The following CNTN5 variants were observed in gnomAD, a reference collection of about 807,000 sequenced individuals.
CNTN5 encodes the protein contactin 5, also known as contactin-5.
In CNTN5, 77 loss-of-function variants were observed where a neutral mutation model predicts 129.1. The ratio of observed to expected loss-of-function variants is 0.60; its 90% CI spans 0.50 to 0.72. The LOEUF is 0.72. Among genes scored for constraint, CNTN5 ranks in the 30% least tolerant of loss-of-function variants. The pLI is 0.00. For missense variants in CNTN5, 1,478 were observed against 1,328.8 expected, an observed-to-expected ratio of 1.11 and a Z score of -1.75; for synonymous variants, 509 against 465.6, an observed-to-expected ratio of 1.09 and a Z score of -1.20.
intron 4 of CNTN5, among the ~76,000 whole-genome samples, chr11:99,833,562 G>C (rs920496896): frequency 6.6e-6 from 1 of 152,098 alleles, no homozygotes; most frequent in Non-Finnish European, 1.5e-5. Flanking sequence ...AAGTAGGCTA[G>C]GATAAACTCT....
chr11:100,007,088 A>G (rs182621103), intron 9 of CNTN5, among the ~76,000 whole-genome samples: 1 of 152,138 alleles, frequency 6.6e-6, no homozygotes, highest in Admixed American at 6.6e-5. Flanking sequence ...TTTTGAAAGG[A>G]GTCTTTTTTT....
chr11:99,532,609 G>A (rs1947755064), intron 2 of CNTN5, among the ~76,000 whole-genome samples: 1 of 152,160 alleles, frequency 6.6e-6, no homozygotes, highest in African/African-American at 2.4e-5. Flanking sequence ...GGAGATAATG[G>A]AATCATGGTG....
chr11:99,034,510 G>T (rs1308625579), intron 1 of CNTN5, among the ~76,000 whole-genome samples: 2 of 151,580 alleles, frequency 1.3e-5, no homozygotes, highest in Non-Finnish European at 2.9e-5. Context: ...GAGTGTATGT[G>T]TCGAGGAATT....
At chr11:99,858,688 C>CTTTTTCTTTTTTTTTTTTTTTTTT (rs1393641398) in intron 6 of CNTN5, among the ~76,000 whole-genome samples, 1 of 148,032 alleles carries the variant, frequency 6.8e-6, no homozygotes, top group Non-Finnish European at 1.5e-5. Flanking sequence ...AAAGTTATTT[C>CTTTTTCTTTTTTTTTTTTTTTTTT]TTAAGATGTT....
intron 1 of CNTN5, among the ~76,000 whole-genome samples, chr11:99,171,362 G>A (rs963265291): frequency 2.6e-5 from 4 of 152,256 alleles, no homozygotes; most frequent in African/African-American, 9.6e-5. Context: ...GCCTAATTTT[G>A]CTTCGCAGAT....
At chr11:99,102,970 T>C (rs1240551516) in intron 1 of CNTN5, among the ~76,000 whole-genome samples, 1 of 152,084 alleles carries the variant, frequency 6.6e-6, no homozygotes, top group Non-Finnish European at 1.5e-5. Flanking sequence ...CAATTCCACA[T>C]AGATAGGGAG....
chr11:100,299,198 G>A lies in CNTN5; in HGVS notation c.2422G>A (p.Gly808Ser), dbSNP rs201711104. 1.4e-5 allele frequency: 22 copies of A among 1,608,138 alleles called. No homozygotes were observed. The highest frequency in any genetic ancestry group is 8.4e-5 in the Admixed American group (5 of 59,542). The change falls in exon 20 of 25, where the codon GGC becomes AGC. Residue 808 changes from glycine (G) to serine (S), a missense_variant. Coordinates refer to ENST00000524871, the MANE Select transcript of CNTN5 (RefSeq NM_014361.4). ...AGAGTTTCAGAATGGGGAAGGCTTC[G>A]GCTATATTGTGGCTTTCAGACCCAA... The part of the protein sequence containing the change: ...SEEFQNGEGF[G>S]YIVAFRPNGT...
chr11:99,615,875 C>T (rs1950745059), intron 3 of CNTN5, among the ~76,000 whole-genome samples: 1 of 152,018 alleles, frequency 6.6e-6, no homozygotes, highest in Non-Finnish European at 1.5e-5. Context: ...GATCCTCCCA[C>T]CTCAGCCTCC....
At chr11:100,328,436 A>G (rs1298323821) in intron 21 of CNTN5, among the ~76,000 whole-genome samples, 1 of 152,126 alleles carries the variant, frequency 6.6e-6, no homozygotes, top group Non-Finnish European at 1.5e-5. Flanking sequence ...ATAAAGAAAA[A>G]AGGTTTAATT....
At chr11:99,052,307 A>T (rs1864459721) in intron 1 of CNTN5, among the ~76,000 whole-genome samples, 2 of 151,882 alleles carry the variant, frequency 1.3e-5, no homozygotes. Flanking sequence ...GCTATGCTCC[A>T]TGTAACATTT....
chr11:99,846,819 A>G (rs1304451303), intron 6 of CNTN5, among the ~76,000 whole-genome samples: 4 of 152,184 alleles, frequency 2.6e-5, no homozygotes, highest in African/African-American at 7.2e-5. Flanking sequence ...AGGTCCTAGA[A>G]AAATGTAAAT....
rs4754646 is a variant in CNTN5 at position 99,835,433 on chromosome 11, C to T, written c.278-9419C>T. ...AGGAGGTGCCCAACTTCTGACCTTGCCCAGAGGTGAGGCAATAGGGAAAAG... is the reference window on the plus strand; with the variant it reads ...AGGAGGTGCCCAACTTCTGACCTTGTCCAGAGGTGAGGCAATAGGGAAAAG... On this transcript the variant is annotated intron_variant, in intron 4 of 24. Coordinates refer to ENST00000524871, the MANE Select transcript of CNTN5 (RefSeq NM_014361.4). Among the ~76,000 whole-genome samples, 878 of 152,176 alleles carry T rather than the reference C, an allele frequency of 5.8e-3. 9 individuals are homozygous for T. Among genetic ancestry groups the T allele is most frequent in the Admixed American group, 0.02 (303 of 15,272 alleles).
At chr11:99,864,746 A>C in intron 6 of CNTN5, among the ~76,000 whole-genome samples, 1 of 152,174 alleles carries the variant, frequency 6.6e-6, no homozygotes, top group East Asian at 1.9e-4. Flanking sequence ...TGGGGATTTG[A>C]TATTGCATTA....
At chr11:99,485,749 A>G (rs967816696) in intron 2 of CNTN5, among the ~76,000 whole-genome samples, 4 of 152,068 alleles carry the variant, frequency 2.6e-5, no homozygotes, top group African/African-American at 7.2e-5. Context: ...ATTATGTCCA[A>G]TTTATAGTTT....
chr11:99,446,495 C>A (rs1944077347), intron 2 of CNTN5, among the ~76,000 whole-genome samples: 1 of 151,970 alleles, frequency 6.6e-6, no homozygotes, highest in African/African-American at 2.4e-5. Context: ...TCTTCCAATC[C>A]TTCTATTTCA....
intron 2 of CNTN5, among the ~76,000 whole-genome samples, chr11:99,505,752 C>A (rs1591179837): frequency 6.6e-6 from 1 of 152,112 alleles, no homozygotes; most frequent in Admixed American, 6.6e-5. Context: ...AATATCAAAC[C>A]TTTGCATTTC....
At chr11:100,115,727 T>G (rs761825977) in intron 13 of CNTN5, among the ~76,000 whole-genome samples, 7 of 152,196 alleles carry the variant, frequency 4.6e-5, no homozygotes, top group Non-Finnish European at 7.4e-5. Context: ...CATAAAATGT[T>G]AGTGGAATTT....
At chr11:99,984,837 C>A (rs1030113250) in intron 8 of CNTN5, among the ~76,000 whole-genome samples, 1 of 152,120 alleles carries the variant, frequency 6.6e-6, no homozygotes, top group Non-Finnish European at 1.5e-5. Context: ...GGAGCTGATG[C>A]AGAATATTTC....
chr11:99,301,885 C>G (rs1330777781), intron 1 of CNTN5, among the ~76,000 whole-genome samples: 1 of 150,918 alleles, frequency 6.6e-6, no homozygotes, highest in Admixed American at 6.6e-5. Context: ...AGTATGGACT[C>G]AAAACACAAT....
Sources: gnomAD v4.1 joint callset for allele counts (sites outside exome capture counted in the v4.1 genomes callset) on GRCh38, gnomAD v4.1.1 for gene constraint, MANE v1.5 for transcripts, NCBI Gene and HGNC (gene_info 2026-07-23, HGNC 2026-07-21) for gene names.